GATA4: variants seen among roughly 807,000 people sequenced by gnomAD.
GATA4 encodes GATA binding protein 4.
GATA4 carries 7 observed loss-of-function variants against 37.9 expected under a neutral mutation model. The observed-to-expected ratio is 0.18, with a 90% CI of 0.11 to 0.35. GATA4 has a LOEUF of 0.35. Among genes scored for constraint, GATA4 ranks in the 10% least tolerant of loss-of-function variants. The pLI is 1.00. For synonymous variants in GATA4, 372 were observed against 292.6 expected (o/e 1.27, Z -2.77); for missense variants, 647 against 653.0 (o/e 0.99, Z 0.10).
upstream of GATA4, among the ~76,000 whole-genome samples, chr8:11,703,384 C>G (rs1382996548): frequency 2.0e-5 from 3 of 152,188 alleles, no homozygotes; most frequent in Non-Finnish European, 4.4e-5. Flanking sequence ...ACTCCCAACT[C>G]AGGCCTGACA....
chr8:11,737,293 C>G (rs901059090), intron 2 of GATA4, among the ~76,000 whole-genome samples: 1 of 152,156 alleles, frequency 6.6e-6, no homozygotes, highest in African/African-American at 2.4e-5. Context: ...ATAAATCTCC[C>G]AGCTGGCTGC....
Position 11,679,093 on chromosome 8 carries a change from G to GT in GATA4, c.-274+2034dup, listed in dbSNP as rs1388857045. Among the ~76,000 whole-genome samples, 3 of 149,018 alleles carry GT rather than the reference G, an allele frequency of 2.0e-5. No individual in the cohort carries two copies. The East Asian group carries it at 5.9e-4, about 29-fold the overall frequency. ...GAGCTTGGAGCAGAGGAGAGGAGAGGTTTTAGGGTTAAATTCAAGCCATCA... is the reference window on the plus strand; with the variant it reads ...GAGCTTGGAGCAGAGGAGAGGAGAGGTTTTTAGGGTTAAATTCAAGCCATCA... On this transcript the variant is annotated intron_variant, in intron 1 of 6. Transcript: ENST00000528712.
intron 4 of GATA4, among the ~76,000 whole-genome samples, chr8:11,753,990 A>T (rs190058495): frequency 6.6e-6 from 1 of 152,296 alleles, no homozygotes; most frequent in East Asian, 1.9e-4. Context: ...TCCCAACAGA[A>T]CTGTGGTCAA....
At chr8:11,724,727 T>C (rs1307270786) in intron 2 of GATA4, among the ~76,000 whole-genome samples, 10 of 152,080 alleles carry the variant, frequency 6.6e-5, no homozygotes, top group Admixed American at 5.9e-4. Context: ...GAAGTGTGTG[T>C]GTGTGTATCA....
intron 2 of GATA4, 95 bp from the exon 3 acceptor site, chr8:11,748,821 T>C: frequency 7.0e-7 from 1 of 1,431,808 alleles, no homozygotes; most frequent in Non-Finnish European, 9.9e-7. Flanking sequence ...GAAAGGGCAT[T>C]GTTTCTGTGC....
chr8:11,755,449 T>G (rs1458616622), intron 5 of GATA4, among the ~76,000 whole-genome samples: 2 of 152,228 alleles, frequency 1.3e-5, no homozygotes, highest in Non-Finnish European at 2.9e-5. Context: ...CCTTTCATCT[T>G]TGGCGCTGCA....
At chr8:11,746,423 G>C (rs939545283) in intron 2 of GATA4, among the ~76,000 whole-genome samples, 15 of 152,114 alleles carry the variant, frequency 9.9e-5, no homozygotes, top group African/African-American at 3.6e-4. Flanking sequence ...CACTAGGTTT[G>C]GAATGGAAAG....
intron 1 of GATA4, chr8:11,698,037 C>G: frequency 1.0e-6 from 1 of 983,988 alleles, no homozygotes; most frequent in South Asian, 4.7e-5. Flanking sequence ...CTGGGTTGAC[C>G]TCGTCCCGGT....
At chr8:11,739,851 T>C (rs1317540647) in intron 2 of GATA4, among the ~76,000 whole-genome samples, 1 of 152,176 alleles carries the variant, frequency 6.6e-6, no homozygotes, top group Non-Finnish European at 1.5e-5. Flanking sequence ...CTTGGTTTTC[T>C]CTTATGGATA....
upstream of GATA4, chr8:11,692,565 G>C (rs910292040): frequency 9.1e-5 from 90 of 985,308 alleles, no homozygotes; most frequent in Non-Finnish European, 9.9e-5. Flanking sequence ...TTCGGGCCGC[G>C]GCGGCTCCGC....
At chr8:11,743,491 C>T (rs1052129707) in intron 2 of GATA4, among the ~76,000 whole-genome samples, 13 of 152,220 alleles carry the variant, frequency 8.5e-5, no homozygotes, top group African/African-American at 2.9e-4. Context: ...GGCTCTGTGG[C>T]GCCGATGGGG....
intron 4 of GATA4, among the ~76,000 whole-genome samples, chr8:11,754,580 C>G (rs767882284): frequency 6.6e-6 from 1 of 152,170 alleles, no homozygotes; most frequent in African/African-American, 2.4e-5. Flanking sequence ...AACAGTCTGT[C>G]TCTGCTGCCT....
At chr8:11,734,547 C>T (rs927488921) in intron 2 of GATA4, among the ~76,000 whole-genome samples, 1 of 152,214 alleles carries the variant, frequency 6.6e-6, no homozygotes, top group African/African-American at 2.4e-5. Flanking sequence ...AATGCAATGG[C>T]GCAACCTCGG....
chr8:11,718,562 C>T (rs1391160775), intron 2 of GATA4, among the ~76,000 whole-genome samples: 1 of 152,158 alleles, frequency 6.6e-6, no homozygotes, highest in African/African-American at 2.4e-5. Context: ...AAGTTACTAC[C>T]ACAATTTGGT....
rs1037844096 is a variant in GATA4, at chr8:11,692,821, C to A, written c.-729+161C>A. 8.1e-6 allele frequency: 8 copies of A among 981,966 alleles called. No homozygotes were observed. In the African/African-American group the frequency reaches 1.2e-4, roughly 15 times the overall value. The allele number at this position is 981,966 out of a possible 1,614,324, so 60.8% of individuals were successfully genotyped here. On this transcript the variant is annotated intron_variant, in intron 1 of 2. Coordinates refer to the GATA4 transcript ENST00000526974. ...GGGGCCGGCGCAGCGGGCGCCAGGCCGGGCAGAGGCGGGGGCGGCCGGCCG... is the reference window on the plus strand; with the variant it reads ...GGGGCCGGCGCAGCGGGCGCCAGGCAGGGCAGAGGCGGGGGCGGCCGGCCG...
At chr8:11,728,723 A>G (rs1801062528) in intron 2 of GATA4, among the ~76,000 whole-genome samples, 2 of 152,146 alleles carry the variant, frequency 1.3e-5, no homozygotes, top group South Asian at 2.1e-4. Context: ...CCTGGATTCA[A>G]TACCATAAAG....
chr8:11,708,586 G>T lies in GATA4; in HGVS notation c.274G>T (p.Ala92Ser). Residue 92 changes from alanine (A) to serine (S), a missense_variant, in exon 2 of 7, where the codon GCG becomes TCG. Ala to Ser is a moderately conservative substitution (Grantham distance 99). Coordinates refer to ENST00000532059, the MANE Select transcript of GATA4 (RefSeq NM_001308093.3). This position sits in a 1 kb window ranked among gnomAD's most constrained non-coding sequence, Gnocchi z 6.7. Reference sequence around the variant, plus strand: ...GCAGGGCAGCCCGGGATGGAGCCAGGCGGGAGCCGACGGAGCCGCTTACAC... The same window carrying T: ...GCAGGGCAGCCCGGGATGGAGCCAGTCGGGAGCCGACGGAGCCGCTTACAC... Reference protein sequence around the residue: ...TQQGSPGWSQAGADGAAYTPP... With the variant: ...TQQGSPGWSQSGADGAAYTPP... 7.3e-7 allele frequency: 1 copy of T among 1,360,980 alleles called. No homozygotes were observed. The highest frequency in any genetic ancestry group is 9.4e-7 in the Non-Finnish European group (1 of 1,060,632). The allele number at this position is 1,360,980 out of a possible 1,614,324, so 84.3% of individuals were successfully genotyped here. A position where few individuals can be genotyped will look rare whatever the true frequency, so the allele number is the denominator to read the frequency against.
In GATA4 at chr8:11,707,515, T is replaced by TA. The variant is rs1799943819; in HGVS notation, c.-457-340dup. ...TGCATTAACGCCAAACTTTTGGACT[T>TA]ACAAAAATATGCTTGCAGAATAAGG... On this transcript the variant is annotated intron_variant, in intron 1 of 6. Transcript: ENST00000532059. This position sits in a 1 kb window ranked among gnomAD's most constrained non-coding sequence, Gnocchi z 4.7. 6.6e-6 allele frequency among the ~76,000 whole-genome samples: 1 copy of TA among 152,094 alleles called. No individual in the cohort carries two copies. Among genetic ancestry groups the TA allele is most frequent in the Admixed American group, 6.5e-5 (1 of 15,278 alleles).
At chr8:11,729,926 G>A (rs761780764) in intron 2 of GATA4, among the ~76,000 whole-genome samples, 2 of 142,644 alleles carry the variant, frequency 1.4e-5, no homozygotes, top group East Asian at 3.9e-4. Flanking sequence ...ATTTGTTGTC[G>A]TTGTTTCTAT....
Sources: gnomAD v4.1 joint callset for allele counts (sites outside exome capture counted in the v4.1 genomes callset) on GRCh38, gnomAD v4.1.1 for gene constraint, Gnocchi (gnomAD v3.1) non-coding constraint, MANE v1.5 for transcripts, NCBI Gene and HGNC (gene_info 2026-07-23, HGNC 2026-07-21) for gene names.